LAMA3: variants seen among roughly 807,000 people sequenced by gnomAD.
LAMA3 encodes the protein laminin subunit alpha-3.
Under a neutral mutation model 402.0 loss-of-function variants are expected in LAMA3, and 281 were observed. The observed-to-expected ratio is 0.70, with a 90% confidence interval of 0.63 to 0.77. LAMA3 has a LOEUF of 0.77. Ranked by LOEUF, LAMA3 falls within the 30% of genes least tolerant of loss-of-function variation. LAMA3 has a pLI of 0.00. For synonymous variants in LAMA3, 1,431 were observed against 1,558.4 expected, an observed-to-expected ratio of 0.92 and a Z score of 1.93; for missense variants, 3,840 against 4,215.5, an observed-to-expected ratio of 0.91 and a Z score of 2.47.
At chr18:23,840,863 T>C (rs1198380524) in intron 27 of LAMA3, among the ~76,000 whole-genome samples, 2 of 152,226 alleles carry the variant, frequency 1.3e-5, no homozygotes, top group Non-Finnish European at 2.9e-5. Context: ...TTGGAATATT[T>C]ACATTATATT....
intron 1 of LAMA3, among the ~76,000 whole-genome samples, chr18:23,711,878 G>A (rs1258628460): frequency 6.6e-6 from 1 of 152,176 alleles, no homozygotes; most frequent in Non-Finnish European, 1.5e-5. Flanking sequence ...CATCAATAAT[G>A]TGGAGATGGA....
chr18:23,914,713 A>C lies in LAMA3; in HGVS notation c.7497A>C (p.Ala2499=), dbSNP rs779610308. 6.2e-7 allele frequency: 1 copy of C among 1,613,528 alleles called. No homozygotes were observed. The highest frequency in any genetic ancestry group is 1.7e-5 in the Admixed American group (1 of 59,992). The change falls in exon 58 of 75, where the codon GCA becomes GCC. Residue 2499 remains alanine (A), a synonymous_variant. Transcript: ENST00000313654. ...TTTTAAACAGAATTTATCAGTTTGC[A>C]AGGCTTAATTACACCAAAGGAGCCA... ...RVKFQRIYQF[A]RLNYTKGATS... is the part of the protein sequence containing the mutation.
chr18:23,806,003 C>T (rs1377151081), intron 12 of LAMA3, among the ~76,000 whole-genome samples: 1 of 152,224 alleles, frequency 6.6e-6, no homozygotes, highest in Admixed American at 6.5e-5. Context: ...TGACCTACAA[C>T]TCTTCCACTT....
intron 70 of LAMA3, among the ~76,000 whole-genome samples, chr18:23,947,097 C>A (rs1012418963): frequency 6.6e-6 from 1 of 152,094 alleles, no homozygotes; most frequent in Admixed American, 6.5e-5. Flanking sequence ...TCCCTCTGTC[C>A]CCAGAGAGGA....
chr18:23,903,206 A>G, intron 49 of LAMA3, 81 bp downstream of exon 49: 1 of 881,564 alleles, frequency 1.1e-6, no homozygotes, highest in South Asian at 1.3e-5. Flanking sequence ...GGGCTGACCT[A>G]CTTTTTTGTT....
intron 2 of LAMA3, among the ~76,000 whole-genome samples, chr18:23,729,135 TG>T (rs2061349329): frequency 6.6e-6 from 1 of 151,128 alleles, no homozygotes; most frequent in South Asian, 2.1e-4. Context: ...TGTGTGTGTG[TG>T]TGTGTGTGTG....
At position 23,909,179 on chromosome 18, in the gene LAMA3, G is replaced by A; in HGVS notation, c.7042G>A (p.Asp2348Asn). 2 of 1,613,898 alleles carry A rather than the reference G, an allele frequency of 1.2e-6. No individual in the cohort carries two copies. The highest frequency in any genetic ancestry group is 1.7e-6 in the Non-Finnish European group (2 of 1,179,934). ...SVNKLTNKLP[D>N]LWRKIESINQ... ...GAATAAGTTAACCAACAAACTACCT[G>A]ATCTTTGGCGCAAGATTGAAAGTAT... Residue 2348 changes from aspartate to asparagine, a missense_variant, in exon 55 of 75, where the codon GAT (aspartate) becomes AAT (asparagine). Asp to Asn is a conservative substitution (Grantham distance 23). This residue lies in a region of LAMA3 where 891 missense variants were observed against 857.5 expected (regional missense o/e 1.04). Coordinates refer to ENST00000313654, the MANE Select transcript of LAMA3 (RefSeq NM_198129.4).
intron 18 of LAMA3, among the ~76,000 whole-genome samples, chr18:23,817,838 C>G (rs890847839): frequency 6.6e-6 from 1 of 152,148 alleles, no homozygotes; most frequent in African/African-American, 2.4e-5. Context: ...TTGAGCCTCC[C>G]CATGGGCCAG....
rs199967422 is a variant in LAMA3, at chr18:23,810,327, G to A, written c.1604-39G>A. 2.5e-6 allele frequency: 4 copies of A among 1,613,356 alleles called. No individual in the cohort carries two copies. The East Asian group carries it at 8.9e-5, about 36-fold the overall frequency. ...CGTGGTTCTTCCCCCTCCCATACCT[G>A]CAACCCCCGCCTAAGTCTGATTGAA... On this transcript the variant is annotated intron_variant, in intron 12 of 74. Transcript: ENST00000313654.
intron 2 of LAMA3, among the ~76,000 whole-genome samples, chr18:23,721,209 C>T (rs1178935213): frequency 1.3e-5 from 2 of 151,970 alleles, no homozygotes; most frequent in Admixed American, 1.3e-4. Context: ...TATATATACA[C>T]ACATTCAATT....
At position 23,954,523 on chromosome 18, in the gene LAMA3, A is replaced by C; in HGVS notation, c.9877A>C (p.Ile3293Leu). Residue 3293 changes from isoleucine to leucine, a missense_variant, in exon 75 of 75, where the codon ATC becomes CTC. Coordinates refer to ENST00000313654, the MANE Select transcript of LAMA3 (RefSeq NM_198129.4). The part of the protein sequence containing the change: ...GAPANLTTLR[I>L]PVWKSFFGCL... ...TTCAGCCAATTTGACGACACTGAGGATCCCTGTGTGGAAATCATTCTTTGG... is the reference window on the plus strand; with the variant it reads ...TTCAGCCAATTTGACGACACTGAGGCTCCCTGTGTGGAAATCATTCTTTGG... 1.9e-6 allele frequency: 3 copies of C among 1,613,712 alleles called. No individual in the cohort carries two copies. Among genetic ancestry groups the C allele is most frequent in the South Asian group, 2.2e-5 (2 of 91,068 alleles).
At chr18:23,769,387 A>G (rs2062146246) in intron 8 of LAMA3, among the ~76,000 whole-genome samples, 1 of 152,238 alleles carries the variant, frequency 6.6e-6, no homozygotes. Flanking sequence ...GGCCGCTTAC[A>G]ACAAAATTTA....
intron 2 of LAMA3, among the ~76,000 whole-genome samples, chr18:23,740,772 T>C (rs537471782): frequency 1.1e-4 from 16 of 152,250 alleles, no homozygotes; most frequent in African/African-American, 3.9e-4. Context: ...CCAGAACTTG[T>C]CAGCAATGCA....
rs2081814652 is a variant in LAMA3, at chr18:23,920,964, T to C, written c.7953T>C (p.Asp2651=). The C allele has an allele frequency of 2.5e-6, 4 of 1,614,094 alleles. No individual in the cohort carries two copies. The highest frequency in any genetic ancestry group is 3.4e-6 in the Non-Finnish European group (4 of 1,179,982). ...GCTTCATATCTCTAAATATAGAAGA[T>C]GGCAAGCTCATGGTGAGATACAAAC... ...GDRFISLNIE[D]GKLMVRYKLN... is the part of the protein sequence containing the mutation. Residue 2651 remains aspartate, a synonymous_variant, in exon 61 of 75, where the codon GAT becomes GAC. Transcript: ENST00000313654.
At position 23,836,981 on chromosome 18, in the gene LAMA3, T is replaced by C. The variant is rs2063594720; in HGVS notation, c.2985T>C (p.Ser995=). The C allele has an allele frequency of 1.2e-6, 2 of 1,611,876 alleles. No homozygotes were observed. The highest frequency in any genetic ancestry group is 1.7e-5 in the Admixed American group (1 of 60,000). Residue 995 remains serine, a splice_region_variant and synonymous_variant, in exon 25 of 75, where the codon AGT becomes AGC. Coordinates refer to ENST00000313654, the MANE Select transcript of LAMA3 (RefSeq NM_198129.4). The stretch of plus-strand genomic sequence containing the variant: ...AAGAAAACTCTGTTTTCTCTTGCAG[T>C]GTTCTCTGCCGGAGTGCTGTGATTG... The part of the protein sequence containing the change: ...GQVNIYSCNY[S]VLCRSAVIDH...
chr18:23,833,269 A>C (rs2063519685), intron 23 of LAMA3, among the ~76,000 whole-genome samples: 1 of 152,234 alleles, frequency 6.6e-6, no homozygotes, highest in Admixed American at 6.5e-5. Context: ...ACGTGTGTGC[A>C]TATTTGGGCA....
chr18:23,745,727 A>G (rs1405617937), intron 2 of LAMA3, among the ~76,000 whole-genome samples: 3 of 152,242 alleles, frequency 2.0e-5, no homozygotes, highest in African/African-American at 4.8e-5. Context: ...AGTGCTTAAC[A>G]TGGTATGTGG....
At position 23,918,621 on chromosome 18, in the gene LAMA3, C is replaced by T. The variant is rs946653254; in HGVS notation, c.7923+1926C>T. 5.3e-5 allele frequency among the ~76,000 whole-genome samples: 8 copies of T among 152,174 alleles called. No homozygotes were observed. The highest frequency in any genetic ancestry group is 1.9e-4 in the African/African-American group (8 of 41,442). ...GTGACACTCTACAAGTGATCGTCAG[C>T]GCCATCTGCTGGTTGATGGAGAGTT... On this transcript the variant is annotated intron_variant, in intron 60 of 74. Coordinates refer to ENST00000313654, the MANE Select transcript of LAMA3 (RefSeq NM_198129.4). This position sits in a 1 kb window ranked among gnomAD's most constrained non-coding sequence, Gnocchi z 4.1.
intron 8 of LAMA3, among the ~76,000 whole-genome samples, chr18:23,764,846 G>A (rs1380193945): frequency 6.6e-6 from 1 of 152,102 alleles, no homozygotes; most frequent in Admixed American, 6.6e-5. Flanking sequence ...AAAGAGTTCT[G>A]CTTCTTTTAT....
Sources: gnomAD v4.1 joint callset for allele counts (sites outside exome capture counted in the v4.1 genomes callset) on GRCh38, gnomAD v4.1.1 for gene constraint, gnomAD v4.1.1 regional missense constraint, Gnocchi (gnomAD v3.1) non-coding constraint, MANE v1.5 for transcripts, NCBI Gene and HGNC (gene_info 2026-07-23, HGNC 2026-07-21) for gene names.